PDE1C: variants seen among roughly 807,000 people sequenced by gnomAD.
The protein encoded by PDE1C is dual specificity calcium/calmodulin-dependent 3',5'-cyclic nucleotide phosphodiesterase 1C.
A neutral mutation model predicts 93.1 loss-of-function variants in PDE1C; 62 were observed. The observed-to-expected ratio is 0.67, with a 90% CI of 0.54 to 0.82. The LOEUF (loss-of-function observed/expected upper bound fraction) is 0.82, where lower values mean the gene tolerates loss of function less well. Among genes scored for constraint, PDE1C ranks in the 40% least tolerant of loss-of-function variants. The pLI is 0.00. For missense variants in PDE1C, 742 were observed against 884.6 expected (o/e 0.84, Z 2.04); for synonymous variants, 325 against 310.1 (o/e 1.05, Z -0.50).
chr7:32,413,230 A>G (rs879414927), intron 1 of PDE1C, among the ~76,000 whole-genome samples: 7 of 152,220 alleles, frequency 4.6e-5, no homozygotes, highest in Non-Finnish European at 8.8e-5. Context: ...ATTAAGATAA[A>G]TGAAAGGATA....
intron 1 of PDE1C, among the ~76,000 whole-genome samples, chr7:32,350,416 CA>C (rs36162702): frequency 0.21 from 31,218 of 150,726 alleles, 3,610 homozygotes; most frequent in South Asian, 0.44. Flanking sequence ...AAACAAAGAA[CA>C]ATTCCTTAAT....
intron 1 of PDE1C, among the ~76,000 whole-genome samples, chr7:32,406,169 G>T (rs544473324): frequency 1.3e-5 from 2 of 152,060 alleles, no homozygotes; most frequent in Non-Finnish European, 2.9e-5. Context: ...CTAGCACGTC[G>T]GTTTCATCTA....
chr7:31,638,455 G>A, the PDE1C span, among the ~76,000 whole-genome samples: 2 of 152,210 alleles, frequency 1.3e-5, no homozygotes, highest in South Asian at 2.1e-4. Flanking sequence ...ATAATAACAG[G>A]TGTTTATGTT....
intron 16 of PDE1C, among the ~76,000 whole-genome samples, chr7:31,800,767 C>G (rs1238132828): frequency 2.0e-5 from 3 of 150,740 alleles, no homozygotes; most frequent in African/African-American, 7.3e-5. Flanking sequence ...CAATTTCTAC[C>G]AAAAAAAAGC....
the PDE1C span, among the ~76,000 whole-genome samples, chr7:31,665,020 G>T: frequency 6.6e-6 from 1 of 152,276 alleles, no homozygotes; most frequent in East Asian, 1.9e-4. Flanking sequence ...TCTGCAAAGT[G>T]TTACATGACC....
Position 31,837,234 on chromosome 7 carries a change from T to C in PDE1C, c.1149A>G (p.Ala383=), listed in dbSNP as rs200073529. The change falls in exon 11 of 18, where the codon GCA becomes GCG. Residue 383 remains alanine, a synonymous_variant. Coordinates refer to ENST00000396191, the MANE Select transcript of PDE1C (RefSeq NM_001191057.4). ...HTADISHPAK[A]WDLHHRWTMS... ...TTGTCCAGCGATGATGGAGGTCCCA[T>C]GCTTTTGCTGGATGGCTAATATCTG... The C allele has an allele frequency of 1.7e-4, 281 of 1,613,840 alleles. 1 individual carries two copies. In the South Asian group the frequency reaches 2.7e-3, roughly 15 times the overall value.
intron 1 of PDE1C, among the ~76,000 whole-genome samples, chr7:32,420,988 T>A (rs2128099947): frequency 6.6e-6 from 1 of 152,210 alleles, no homozygotes; most frequent in African/African-American, 2.4e-5. Flanking sequence ...AGTCTATCCA[T>A]GAGCAAGTCA....
At chr7:31,630,511 A>G in the PDE1C span, among the ~76,000 whole-genome samples, 1 of 152,178 alleles carries the variant, frequency 6.6e-6, no homozygotes, top group Non-Finnish European at 1.5e-5. Flanking sequence ...AGTAATGTTG[A>G]ACTAATAAAG....
chr7:32,109,123 A>G lies in PDE1C; in HGVS notation c.308+60662T>C, dbSNP rs535419132. The stretch of plus-strand genomic sequence containing the variant: ...CCCACCCTTCTCTGGACACAGCATG[A>G]GTCACTGAGGGTACAAAATTAACAA... On this transcript the variant is annotated intron_variant, in intron 3 of 18. Coordinates refer to the PDE1C transcript ENST00000396193. Among the ~76,000 whole-genome samples the G allele has an allele frequency of 4.0e-4, 61 of 152,318 alleles. No homozygotes were observed. The South Asian group carries it at 0.012, about 30-fold the overall frequency.
At chr7:32,206,294 AAG>A (rs746254730) in intron 2 of PDE1C, among the ~76,000 whole-genome samples, 12 of 152,070 alleles carry the variant, frequency 7.9e-5, no homozygotes, top group Non-Finnish European at 1.2e-4. Flanking sequence ...AAGGAGCAGA[AAG>A]GGGCCAGTTT....
chr7:31,876,592 T>C (rs1270704140), intron 5 of PDE1C, among the ~76,000 whole-genome samples: 1 of 152,158 alleles, frequency 6.6e-6, no homozygotes, highest in Non-Finnish European at 1.5e-5. Context: ...GCTTTTAATG[T>C]TTCTAAGAGT....
At chr7:32,406,567 C>T (rs944396553) in intron 1 of PDE1C, among the ~76,000 whole-genome samples, 1 of 151,226 alleles carries the variant, frequency 6.6e-6, no homozygotes, top group African/African-American at 2.4e-5. Flanking sequence ...CCAGAAAAAT[C>T]CAATTGTATA....
At chr7:31,901,490 TGAA>T (rs899972143) in intron 2 of PDE1C, among the ~76,000 whole-genome samples, 1 of 151,282 alleles carries the variant, frequency 6.6e-6, no homozygotes, top group Non-Finnish European at 1.5e-5. Flanking sequence ...AAATGAATAT[TGAA>T]GAAAGTGAGA....
At chr7:31,770,190 T>C (rs1256917221) in intron 17 of PDE1C, among the ~76,000 whole-genome samples, 1 of 152,240 alleles carries the variant, frequency 6.6e-6, no homozygotes, top group Non-Finnish European at 1.5e-5. Context: ...TCATATGTCA[T>C]TTGTATATCT....
the PDE1C span, among the ~76,000 whole-genome samples, chr7:31,731,813 G>A: frequency 6.6e-6 from 1 of 152,124 alleles, no homozygotes; most frequent in South Asian, 2.1e-4. Flanking sequence ...CCCATATTCT[G>A]GCAGAGGGAG....
downstream of PDE1C, among the ~76,000 whole-genome samples, chr7:31,750,624 A>C (rs1427511169): frequency 6.6e-6 from 1 of 152,260 alleles, no homozygotes; most frequent in Non-Finnish European, 1.5e-5. Flanking sequence ...AAGTTTAGAG[A>C]TATTATGCAA....
intron 1 of PDE1C, among the ~76,000 whole-genome samples, chr7:32,261,737 T>C (rs1331989704): frequency 6.6e-6 from 1 of 152,242 alleles, no homozygotes; most frequent in Non-Finnish European, 1.5e-5. Context: ...AACGTTATAG[T>C]TAGAACAATG....
intron 1 of PDE1C, among the ~76,000 whole-genome samples, chr7:32,063,692 A>C (rs1795063203): frequency 6.6e-6 from 1 of 152,248 alleles, no homozygotes; most frequent in Non-Finnish European, 1.5e-5. Context: ...ATATACATTA[A>C]GAATGTATTT....
At chr7:31,736,715 T>C in the PDE1C span, among the ~76,000 whole-genome samples, 1 of 152,308 alleles carries the variant, frequency 6.6e-6, no homozygotes, top group African/African-American at 2.4e-5. Context: ...TGGCAAAATG[T>C]TTTTTTCTCA....
Sources: allele counts gnomAD v4.1 joint callset (sites outside exome capture counted in the v4.1 genomes callset), GRCh38; gene constraint gnomAD v4.1.1; transcripts MANE v1.5; gene names NCBI Gene and HGNC (gene_info 2026-07-23, HGNC 2026-07-21).